Variants in MEAF6 observed in about 807,000 individuals in gnomAD.
The protein encoded by MEAF6 is MYST/Esa1 associated factor 6.
In MEAF6, 15 loss-of-function variants were observed where a neutral mutation model predicts 28.9. That is an observed-to-expected ratio of 0.52 (90% confidence interval 0.35 to 0.80). The LOEUF is 0.80. Among genes scored for constraint, MEAF6 ranks in the 30% least tolerant of loss-of-function variants. The probability of loss-of-function intolerance (pLI) is 0.01; values close to 1 mark genes in which losing one functional copy is unlikely to be tolerated. For synonymous variants in MEAF6, 97 were observed against 88.7 expected (o/e 1.09, Z -0.53); for missense variants, 178 against 237.5 (o/e 0.75, Z 1.65).
rs1381495345 is a variant in MEAF6, at chr1:37,490,986, C to T, written c.*3113G>A. On this transcript the variant is annotated 3_prime_UTR_variant, in exon 7 of 7. Coordinates refer to ENST00000296214, the MANE Select transcript of MEAF6 (RefSeq NM_001270875.3). ...AGGTAGCAGTGAGCCAAGATTGTGC[C>T]ACTGCACTCCAGCCTGGACGACAGA... Among the ~76,000 whole-genome samples, 1 of 152,056 alleles carries T rather than the reference C, an allele frequency of 6.6e-6. No homozygotes were observed. Among genetic ancestry groups the T allele is most frequent in the Non-Finnish European group, 1.5e-5 (1 of 68,012 alleles).
At chr1:37,513,157 T>A (rs1422877227) in intron 2 of MEAF6, among the ~76,000 whole-genome samples, 2 of 152,156 alleles carry the variant, frequency 1.3e-5, no homozygotes, top group Non-Finnish European at 2.9e-5. Context: ...GTGTAAAAAA[T>A]TTAATAGAAT....
chr1:37,494,664 C>G (rs1357641063), intron 6 of MEAF6, among the ~76,000 whole-genome samples: 1 of 151,762 alleles, frequency 6.6e-6, no homozygotes, highest in Non-Finnish European at 1.5e-5. Flanking sequence ...GACCATGTCT[C>G]TACAAAAAAC....
At chr1:37,507,306 G>A (rs1181182850) in intron 4 of MEAF6, among the ~76,000 whole-genome samples, 1 of 138,584 alleles carries the variant, frequency 7.2e-6, no homozygotes, top group African/African-American at 2.6e-5. Flanking sequence ...GGTAACAAAA[G>A]CAAAACTCTG....
intron 4 of MEAF6, among the ~76,000 whole-genome samples, chr1:37,502,982 G>C (rs917924948): frequency 6.6e-6 from 1 of 151,902 alleles, no homozygotes; most frequent in African/African-American, 2.4e-5. Context: ...ACCCAGGCTA[G>C]AGTGCACTGG....
At chr1:37,499,153 G>GA (rs893333148) in intron 5 of MEAF6, among the ~76,000 whole-genome samples, 113 of 148,376 alleles carry the variant, frequency 7.6e-4, no homozygotes, top group African/African-American at 2.4e-3. Flanking sequence ...CTTGTTTCAA[G>GA]AAAAAAAAAA....
chr1:37,513,009 G>C (rs113144155), intron 2 of MEAF6, among the ~76,000 whole-genome samples: 1 of 152,072 alleles, frequency 6.6e-6, no homozygotes, highest in African/African-American at 2.4e-5. Context: ...GGCCAACATG[G>C]AGAAACCTCG....
In MEAF6 at chr1:37,495,684, C is replaced by CAAAAAAAAA. The variant is rs376230589; in HGVS notation, c.567+192_567+200dup. ...GGTGAAAGAGCAAGAAACTGTCTCT[C>CAAAAAAAAA]AAAAAAAAAAAACAAAAAACAAAAA... On this transcript the variant is annotated intron_variant, in intron 6 of 6. Transcript: ENST00000296214. Among the ~76,000 whole-genome samples, 13 of 70,516 alleles carry CAAAAAAAAA rather than the reference C, an allele frequency of 1.8e-4. 1 individual carries two copies. The highest frequency in any genetic ancestry group is 1.3e-3 in the East Asian group (3 of 2,304). 46.3% of individuals were successfully genotyped at this position (70,516 alleles called of 152,430 possible). A position where few individuals can be genotyped will look rare whatever the true frequency, so the allele number is the denominator to read the frequency against.
chr1:37,514,475 C>T, intron 1 of MEAF6, 182 bp downstream of exon 1: 2 of 373,330 alleles, frequency 5.4e-6, no homozygotes, highest in African/African-American at 2.1e-5. Context: ...CGGATTCGCA[C>T]AGCCGGGAAG....
chr1:37,502,042 C>T, intron 4 of MEAF6, 46 bp from the exon 5 acceptor site: 4 of 1,491,126 alleles, frequency 2.7e-6, no homozygotes, highest in Non-Finnish European at 2.7e-6. Context: ...ATCAGTACTC[C>T]TCAGGCAATC....
At position 37,492,533 on chromosome 1, in the gene MEAF6, ACAGT is replaced by A. The variant is rs1383704129; in HGVS notation, c.*1562_*1565del. 6.8e-6 allele frequency: 1 copy of A among 146,910 alleles called. No individual in the cohort carries two copies. The highest frequency in any genetic ancestry group is 1.5e-5 in the Non-Finnish European group (1 of 67,126). 9.1% of individuals were successfully genotyped at this position (146,910 alleles called of 1,614,324 possible). ...ACACTGGAGTTCTGCTACCAAAGACACAGTCAAAGATCTAAATAGCCAGAGTCAA... is the reference window on the plus strand; with the variant it reads ...ACACTGGAGTTCTGCTACCAAAGACACAAAGATCTAAATAGCCAGAGTCAA... On this transcript the variant is annotated 3_prime_UTR_variant, in exon 7 of 7. Coordinates refer to ENST00000296214, the MANE Select transcript of MEAF6 (RefSeq NM_001270875.3).
intron 2 of MEAF6, among the ~76,000 whole-genome samples, chr1:37,509,895 G>C (rs929097196): frequency 6.6e-6 from 1 of 152,032 alleles, no homozygotes; most frequent in Non-Finnish European, 1.5e-5. Flanking sequence ...TCCTGCCTCA[G>C]CCTCCCAAGT....
chr1:37,509,611 G>C, intron 2 of MEAF6, 69 bp from the exon 3 acceptor site: 4 of 1,367,914 alleles, frequency 2.9e-6, no homozygotes, highest in Non-Finnish European at 3.1e-6. Context: ...GATGCCCCAG[G>C]ACTCATGTTC....
At chr1:37,512,461 A>T (rs1305691492) in intron 2 of MEAF6, among the ~76,000 whole-genome samples, 2 of 151,956 alleles carry the variant, frequency 1.3e-5, no homozygotes, top group Non-Finnish European at 2.9e-5. Flanking sequence ...GAATATAGGT[A>T]GGAGGGTATC....
intron 2 of MEAF6, among the ~76,000 whole-genome samples, chr1:37,509,781 T>C (rs547401571): frequency 6.6e-6 from 1 of 152,220 alleles, no homozygotes; most frequent in East Asian, 1.9e-4. Flanking sequence ...TATTTACTTA[T>C]TTATTTATTT....
intron 6 of MEAF6, among the ~76,000 whole-genome samples, chr1:37,494,359 C>T (rs1311927872): frequency 2.6e-5 from 4 of 151,438 alleles, no homozygotes; most frequent in African/African-American, 9.7e-5. Flanking sequence ...ACTAAAAATA[C>T]AAAACATTGG....
intron 3 of MEAF6, 28 bp downstream of exon 3, chr1:37,509,423 CAAAG>C (rs749359891): frequency 1.9e-6 from 3 of 1,611,198 alleles, no homozygotes; most frequent in Admixed American, 3.3e-5. Context: ...AACAACAGGC[CAAAG>C]AAAGATTCCC....
chr1:37,496,689 A>G, intron 5 of MEAF6: 1 of 1,588,636 alleles, frequency 6.3e-7, no homozygotes, highest in Non-Finnish European at 8.6e-7. Context: ...CACAAATACT[A>G]ATTCAAATCA....
intron 4 of MEAF6, 74 bp downstream of exon 4, chr1:37,509,204 A>G: frequency 7.7e-7 from 1 of 1,294,214 alleles, no homozygotes; most frequent in South Asian, 1.2e-5. Context: ...CAGATACACA[A>G]TTGGATGAAT....
chr1:37,512,261 T>C (rs1438802408), intron 2 of MEAF6, among the ~76,000 whole-genome samples: 2 of 152,236 alleles, frequency 1.3e-5, no homozygotes, highest in African/African-American at 2.4e-5. Context: ...TACTGTATTA[T>C]AGCTACATAA....
Sources: allele counts gnomAD v4.1 joint callset (sites outside exome capture counted in the v4.1 genomes callset), GRCh38; gene constraint gnomAD v4.1.1; transcripts MANE v1.5; gene names NCBI Gene and HGNC (gene_info 2026-07-23, HGNC 2026-07-21).